Variants in AOPEP observed in about 807,000 individuals in gnomAD.
The protein encoded by AOPEP is aminopeptidase O (putative).
Under a neutral mutation model 98.1 loss-of-function variants are expected in AOPEP, and 77 were observed. The observed-to-expected ratio is 0.78, with a 90% CI of 0.65 to 0.95. The LOEUF (loss-of-function observed/expected upper bound fraction) is 0.95. Ranked by LOEUF, AOPEP falls within the 40% of genes least tolerant of loss-of-function variation. The pLI is 0.00. For synonymous variants in AOPEP, 346 were observed against 365.3 expected (o/e 0.95, Z 0.60); for missense variants, 1,024 against 1,024.7 (o/e 1.00, Z 0.01).
chr9:95,068,555 T>C (rs1024871969), intron 14 of AOPEP, among the ~76,000 whole-genome samples: 3 of 152,240 alleles, frequency 2.0e-5, no homozygotes, highest in African/African-American at 7.2e-5. Flanking sequence ...TTATATAGTC[T>C]AGATACGAGT....
intron 5 of AOPEP, among the ~76,000 whole-genome samples, chr9:94,871,726 G>C (rs1430790017): frequency 6.6e-6 from 1 of 152,120 alleles, no homozygotes; most frequent in Non-Finnish European, 1.5e-5. Flanking sequence ...AGAAATATGG[G>C]CTGGGCATGG....
chr9:95,009,748 C>T (rs756428096), intron 13 of AOPEP, among the ~76,000 whole-genome samples: 1 of 152,090 alleles, frequency 6.6e-6, no homozygotes, highest in Non-Finnish European at 1.5e-5. Flanking sequence ...TCTGCCAGAA[C>T]CCAAAAAACA....
chr9:94,964,931 A>C (rs991559576), intron 9 of AOPEP, among the ~76,000 whole-genome samples: 1 of 152,058 alleles, frequency 6.6e-6, no homozygotes, highest in Non-Finnish European at 1.5e-5. Flanking sequence ...GAGACACCAC[A>C]CCCGGCCCCT....
chr9:94,888,293 CCGTG>C (rs923401742), intron 5 of AOPEP, among the ~76,000 whole-genome samples: 6 of 35,678 alleles, frequency 1.7e-4, no homozygotes, highest in African/African-American at 3.7e-4. Flanking sequence ...AAGAACCTTA[CCGTG>C]TGTGTGTGTG....
chr9:94,748,250 G>A (rs977013951), intron 1 of AOPEP, among the ~76,000 whole-genome samples: 8 of 152,020 alleles, frequency 5.3e-5, no homozygotes, highest in East Asian at 1.9e-4. Context: ...CATCTGTGTC[G>A]TTGTTCCTCT....
chr9:95,101,629 G>A, the AOPEP span: 2 of 1,578,720 alleles, frequency 1.3e-6, no homozygotes, highest in African/African-American at 1.3e-5. Context: ...CAAATGCGTG[G>A]CCACAGGTCA....
intron 2 of AOPEP, among the ~76,000 whole-genome samples, chr9:94,771,917 G>A (rs1307505679): frequency 2.0e-5 from 3 of 152,052 alleles, no homozygotes; most frequent in East Asian, 1.9e-4. Flanking sequence ...ACTCATTCCC[G>A]AGTTTAAATT....
At chr9:94,882,331 A>G (rs554598283) in intron 5 of AOPEP, among the ~76,000 whole-genome samples, 10 of 152,216 alleles carry the variant, frequency 6.6e-5, no homozygotes, top group Non-Finnish European at 1.5e-4. Flanking sequence ...TGCTTTTTGC[A>G]AAGAATCATT....
intron 5 of AOPEP, among the ~76,000 whole-genome samples, chr9:94,877,565 C>T (rs111607910): frequency 5.3e-5 from 8 of 151,960 alleles, no homozygotes; most frequent in African/African-American, 9.7e-5. Context: ...GGACTACAGG[C>T]GCCCAGCACC....
the AOPEP span, chr9:95,100,858 G>C: frequency 4.3e-6 from 1 of 230,848 alleles, no homozygotes; most frequent in Admixed American, 5.6e-5. Context: ...TGGAACTCCT[G>C]GGCTGAAGTA....
chr9:94,820,937 C>G (rs936011422), intron 5 of AOPEP, among the ~76,000 whole-genome samples: 3 of 152,104 alleles, frequency 2.0e-5, no homozygotes, highest in Non-Finnish European at 4.4e-5. Context: ...TTTAATAAAC[C>G]AAGTGGAAGC....
the AOPEP span, among the ~76,000 whole-genome samples, chr9:95,102,080 C>T: frequency 2.6e-5 from 4 of 152,192 alleles, no homozygotes; most frequent in African/African-American, 4.8e-5. Context: ...CGAGCCTCCT[C>T]GCATTGAGCT....
At chr9:95,061,805 T>C (rs2067339000) in intron 14 of AOPEP, among the ~76,000 whole-genome samples, 1 of 152,202 alleles carries the variant, frequency 6.6e-6, no homozygotes. Context: ...ATTGAAAAAC[T>C]CCAGAGGGGA....
At chr9:95,101,584 C>G in the AOPEP span, 8 of 1,182,432 alleles carry the variant, frequency 6.8e-6, no homozygotes, top group East Asian at 2.5e-5. Flanking sequence ...ATGTGTACAG[C>G]TCATTCTCAC....
At chr9:94,737,212 C>A (rs549211529) in intron 1 of AOPEP, among the ~76,000 whole-genome samples, 53 of 152,088 alleles carry the variant, frequency 3.5e-4, no homozygotes, top group African/African-American at 1.2e-3. Context: ...CTCAAGCGAT[C>A]CTTTGCCTCA....
In AOPEP at chr9:94,972,666, C is replaced by T. The variant is rs952490286; in HGVS notation, c.1916+4865C>T. 3.9e-5 allele frequency among the ~76,000 whole-genome samples: 6 copies of T among 152,058 alleles called. No individual in the cohort carries two copies. Among genetic ancestry groups the T allele is most frequent in the African/African-American group, 1.4e-4 (6 of 41,406 alleles). On this transcript the variant is annotated intron_variant, in intron 10 of 16. Coordinates refer to ENST00000375315, the MANE Select transcript of AOPEP (RefSeq NM_001193329.3). This position sits in a 1 kb window ranked among gnomAD's most constrained non-coding sequence, Gnocchi z 4.2. ...TCAAGAAAATAAATCAGCTGGGCAC[C>T]GTGGCTCATGCCTGTAATCCCAGCA...
rs565237685 is a variant in AOPEP at position 94,944,883 on chromosome 9, A to G, written c.1662-10294A>G. Among the ~76,000 whole-genome samples the G allele has an allele frequency of 6.4e-4, 98 of 152,342 alleles. 2 individuals carry two copies. The highest frequency in any genetic ancestry group is 5.6e-3 in the South Asian group (27 of 4,818). The stretch of plus-strand genomic sequence containing the variant: ...TGCACAACCTTATGAGTACACTAAA[A>G]ACCACTATATGTGAATTACATCTCA... On this transcript the variant is annotated intron_variant, in intron 7 of 16. Coordinates refer to ENST00000375315, the MANE Select transcript of AOPEP (RefSeq NM_001193329.3).
chr9:94,977,488 A>C (rs1315633853), intron 10 of AOPEP, among the ~76,000 whole-genome samples: 2 of 152,188 alleles, frequency 1.3e-5, no homozygotes, highest in African/African-American at 4.8e-5. Context: ...CTGCCCATTA[A>C]GGGAATCTCC....
At chr9:94,786,280 A>G (rs571861494) in intron 3 of AOPEP, among the ~76,000 whole-genome samples, 55 of 152,368 alleles carry the variant, frequency 3.6e-4, no homozygotes, top group African/African-American at 1.3e-3. Flanking sequence ...CTCTTGTTAT[A>G]CATGAGGAAA....
Sources: allele counts gnomAD v4.1 joint callset (sites outside exome capture counted in the v4.1 genomes callset), GRCh38; gene constraint gnomAD v4.1.1; non-coding constraint Gnocchi (gnomAD v3.1); transcripts MANE v1.5; gene names NCBI Gene and HGNC (gene_info 2026-07-23, HGNC 2026-07-21).